CLEC17A: variants seen among roughly 807,000 people sequenced by gnomAD.
CLEC17A encodes the protein C-type lectin domain containing 17A.
CLEC17A carries 37 observed loss-of-function variants against 61.3 expected under a neutral mutation model. That is an observed-to-expected ratio of 0.60 (90% CI 0.46 to 0.79). The LOEUF (loss-of-function observed/expected upper bound fraction) is 0.79. Ranked by LOEUF, CLEC17A falls within the 30% of genes least tolerant of loss-of-function variation. CLEC17A has a pLI of 0.00. For synonymous variants in CLEC17A, 168 were observed against 164.9 expected, an observed-to-expected ratio of 1.02 and a Z score of -0.14; for missense variants, 418 against 464.7, an observed-to-expected ratio of 0.90 and a Z score of 0.92.
At chr19:14,602,277 G>C (rs1599565083) in intron 12 of CLEC17A, among the ~76,000 whole-genome samples, 2 of 151,256 alleles carry the variant, frequency 1.3e-5, no homozygotes, top group Non-Finnish European at 3.0e-5. Context: ...CTTTTAATTG[G>C]TGTTTTCATT....
intron 7 of CLEC17A, 69 bp from the exon 8 acceptor site, chr19:14,595,205 A>G (rs2074514494): frequency 4.5e-6 from 7 of 1,558,816 alleles, no homozygotes; most frequent in Non-Finnish European, 5.3e-6. Flanking sequence ...AACAAAACAG[A>G]GGTTGTTGAT....
In CLEC17A at chr19:14,592,323, C is replaced by T; in HGVS notation, c.242C>T (p.Ser81Leu). 6.2e-7 allele frequency: 1 copy of T among 1,603,820 alleles called. No individual in the cohort carries two copies. Among genetic ancestry groups the T allele is most frequent in the South Asian group, 1.1e-5 (1 of 89,556 alleles). Residue 81 changes from serine (S) to leucine (L), a missense_variant, in exon 4 of 14, where the codon TCA becomes TTA. Ser to Leu is a moderately radical substitution (Grantham distance 145, BLOSUM62 -2). Coordinates refer to ENST00000417570, the MANE Select transcript of CLEC17A (RefSeq NM_001204118.2). The stretch of plus-strand genomic sequence containing the variant: ...GAGGAGGATGATGACTATGAGAACT[C>T]AACACCTCCCTACAAGGACCTTCCT... ...EEEEDDDYEN[S>L]TPPYKDLPPK...
chr19:14,591,439 C>T (rs1313049764), intron 3 of CLEC17A, among the ~76,000 whole-genome samples: 1 of 149,604 alleles, frequency 6.7e-6, no homozygotes, highest in East Asian at 2.0e-4. Context: ...CAGGCGTGAG[C>T]CACCGCGCCT....
At position 14,611,553 on chromosome 19, in the gene CLEC17A, A is replaced by C. The variant is rs1487848692; in HGVS notation, c.*1357A>C. On this transcript the variant is annotated 3_prime_UTR_variant, in exon 14 of 14. Coordinates refer to ENST00000417570, the MANE Select transcript of CLEC17A (RefSeq NM_001204118.2). ...CCCTCACACCTGGCTGGCCCATGGA[A>C]CTTCTAGAAAGGCATACCAGCTGAA... 6.6e-6 allele frequency among the ~76,000 whole-genome samples: 1 copy of C among 151,704 alleles called. No individual in the cohort carries two copies. Among genetic ancestry groups the C allele is most frequent in the African/African-American group, 2.4e-5 (1 of 41,320 alleles).
At chr19:14,607,379 AT>A (rs1373187217) in intron 13 of CLEC17A, among the ~76,000 whole-genome samples, 1 of 149,552 alleles carries the variant, frequency 6.7e-6, no homozygotes, top group South Asian at 2.1e-4. Context: ...AATTTTTTGT[AT>A]TTTTAGTAGA....
intron 7 of CLEC17A, 124 bp from the exon 8 acceptor site, chr19:14,595,150 G>C: frequency 9.1e-7 from 1 of 1,093,296 alleles, no homozygotes; most frequent in South Asian, 1.4e-5. Context: ...GGAATTACAG[G>C]CGTGAGCCAC....
At chr19:14,597,438 A>G (rs1195409536) in intron 10 of CLEC17A, among the ~76,000 whole-genome samples, 2 of 152,234 alleles carry the variant, frequency 1.3e-5, no homozygotes, top group African/African-American at 2.4e-5. Flanking sequence ...TGAGATGAGC[A>G]CTAAGTATGA....
At chr19:14,603,878 C>T (rs748317327) in intron 12 of CLEC17A, among the ~76,000 whole-genome samples, 2 of 152,142 alleles carry the variant, frequency 1.3e-5, no homozygotes, top group Non-Finnish European at 2.9e-5. Context: ...CATATGAGTT[C>T]CCTCTTCTTA....
chr19:14,594,063 A>G (rs1568451988), intron 4 of CLEC17A, among the ~76,000 whole-genome samples: 1 of 152,090 alleles, frequency 6.6e-6, no homozygotes, highest in African/African-American at 2.4e-5. Flanking sequence ...CGGGTGGATC[A>G]CTTGAGGTCA....
chr19:14,595,717 T>A lies in CLEC17A; in HGVS notation c.445+402T>A, dbSNP rs914442162. ...GTGCTGATGGTGATGGTGGAGATAC[T>A]GATGATGGTGGTGATGGTGGAGATA... On this transcript the variant is annotated intron_variant, in intron 8 of 13. Transcript: ENST00000417570. 6.6e-5 allele frequency among the ~76,000 whole-genome samples: 10 copies of A among 151,216 alleles called. 1 individual carries two copies. The highest frequency in any genetic ancestry group is 6.6e-4 in the Admixed American group (10 of 15,160).
intron 8 of CLEC17A, 142 bp downstream of exon 8, chr19:14,595,457 T>C: frequency 1.2e-6 from 1 of 847,348 alleles, no homozygotes; most frequent in Non-Finnish European, 1.9e-6. Context: ...TCTGAGTTAG[T>C]CTAGTGAGCG....
chr19:14,596,368 G>A (rs933821453), intron 8 of CLEC17A, among the ~76,000 whole-genome samples: 6 of 152,236 alleles, frequency 3.9e-5, no homozygotes, highest in East Asian at 1.9e-4. Flanking sequence ...AGTGGCTTAC[G>A]CCTGTAATCC....
chr19:14,610,362 G>C lies in CLEC17A; in HGVS notation c.*166G>C, dbSNP rs976263908. On this transcript the variant is annotated 3_prime_UTR_variant, in exon 14 of 14. Transcript: ENST00000417570. ...AGTTCCCAGGGGTGCAAGTCAGGCT[G>C]TTTCTAGAGTGAGGACTTGGGCTTG... is the stretch of plus-strand genomic sequence containing the variant. The C allele has an allele frequency of 1.1e-6, 1 of 926,554 alleles. No homozygotes were observed. The highest frequency in any genetic ancestry group is 2.6e-5 in the Admixed American group (1 of 38,356). 57.4% of individuals were successfully genotyped at this position (926,554 alleles called of 1,614,324 possible).
At chr19:14,605,859 C>A (rs970454604) in intron 12 of CLEC17A, among the ~76,000 whole-genome samples, 2 of 152,130 alleles carry the variant, frequency 1.3e-5, no homozygotes, top group Non-Finnish European at 2.9e-5. Context: ...CCACCTCAGC[C>A]TCCTGAGTAG....
chr19:14,604,158 C>T (rs558748362), intron 12 of CLEC17A, among the ~76,000 whole-genome samples: 35 of 152,188 alleles, frequency 2.3e-4, no homozygotes, highest in African/African-American at 7.5e-4. Flanking sequence ...AAGACCTTTC[C>T]GCTCTCTGAT....
Position 14,600,095 on chromosome 19 carries a change from C to A in CLEC17A, c.807C>A (p.Ser269=), listed in dbSNP as rs756154913. ...TTGAGGGCAAGTGTTACTACTTCTC[C>A]CCAAGCACCAAGTCATGGGATGAGG... is the stretch of plus-strand genomic sequence containing the variant. ...LPFEGKCYYF[S]PSTKSWDEAR... The change falls in exon 12 of 14, where the codon TCC becomes TCA. Residue 269 remains serine, a synonymous_variant. Coordinates refer to ENST00000417570, the MANE Select transcript of CLEC17A (RefSeq NM_001204118.2). 1 of 1,613,910 alleles carries A rather than the reference C, an allele frequency of 6.2e-7. No homozygotes were observed. Among genetic ancestry groups the A allele is most frequent in the African/African-American group, 1.3e-5 (1 of 74,932 alleles).
At chr19:14,586,071 G>C (rs554295420) in intron 2 of CLEC17A, among the ~76,000 whole-genome samples, 14 of 151,498 alleles carry the variant, frequency 9.2e-5, no homozygotes, top group African/African-American at 3.1e-4. Context: ...GTTTAGAGCA[G>C]TAATACTTAG....
intron 2 of CLEC17A, among the ~76,000 whole-genome samples, chr19:14,584,846 C>T (rs1258553135): frequency 6.6e-6 from 1 of 151,400 alleles, no homozygotes; most frequent in Non-Finnish European, 1.5e-5. Flanking sequence ...ATCACCCTCT[C>T]TACTATAGCC....
At chr19:14,581,093 C>T (rs1599520708), upstream of CLEC17A, among the ~76,000 whole-genome samples, 1 of 152,180 alleles carries the variant, frequency 6.6e-6, no homozygotes, top group East Asian at 1.9e-4. Context: ...GTTTGAGACA[C>T]TCTTGTTCTG....
Sources: gnomAD v4.1 joint callset for allele counts (sites outside exome capture counted in the v4.1 genomes callset) on GRCh38, gnomAD v4.1.1 for gene constraint, MANE v1.5 for transcripts, NCBI Gene and HGNC (gene_info 2026-07-23, HGNC 2026-07-21) for gene names.